Variants in ERBB4 observed in about 807,000 individuals in gnomAD.
ERBB4 encodes receptor tyrosine-protein kinase erbB-4.
A neutral mutation model predicts 158.0 loss-of-function variants in ERBB4; 42 were observed. That is an observed-to-expected ratio of 0.27 (90% CI 0.21 to 0.34). The LOEUF (loss-of-function observed/expected upper bound fraction) is 0.34. Ranked by LOEUF, ERBB4 falls within the 10% of genes least tolerant of loss-of-function variation. The pLI, the probability that ERBB4 is intolerant of heterozygous loss-of-function variation, is 1.00. For synonymous variants in ERBB4, 583 were observed against 558.7 expected (o/e 1.04, Z -0.61); for missense variants, 1,333 against 1,624.1 (o/e 0.82, Z 3.08).
At chr2:212,103,110 T>C (rs2079130181) in intron 2 of ERBB4, among the ~76,000 whole-genome samples, 1 of 152,130 alleles carries the variant, frequency 6.6e-6, no homozygotes, top group Non-Finnish European at 1.5e-5. Flanking sequence ...CTTCTTTCTC[T>C]TCCAGAAGCT....
chr2:212,332,537 T>G (rs1200966401), intron 1 of ERBB4, among the ~76,000 whole-genome samples: 3 of 152,102 alleles, frequency 2.0e-5, no homozygotes, highest in East Asian at 3.9e-4. Context: ...ATTCTAAATT[T>G]ATTTTATTTG....
chr2:211,409,917 C>A lies in ERBB4; in HGVS notation c.3135+10524G>T, dbSNP rs145396615. On this transcript the variant is annotated intron_variant, in intron 25 of 27. Coordinates refer to ENST00000342788, the MANE Select transcript of ERBB4 (RefSeq NM_005235.3). ...AAGGTCCCTTGCAACTCTGACACTCCGCGAGTACATAGTTACTTATGCATC... is the reference window on the plus strand; with the variant it reads ...AAGGTCCCTTGCAACTCTGACACTCAGCGAGTACATAGTTACTTATGCATC... 3.0e-4 allele frequency among the ~76,000 whole-genome samples: 46 copies of A among 152,216 alleles called. 1 individual carries two copies. The highest frequency in any genetic ancestry group is 1.1e-3 in the African/African-American group (45 of 41,542).
chr2:212,304,119 G>A lies in ERBB4; in HGVS notation c.83-179216C>T, dbSNP rs368673646. ...ATTTTGTTGTGGAGAATGTGACTTGGTCAAAATGCTTTCAGCAGAATCAAA... is the reference window on the plus strand; with the variant it reads ...ATTTTGTTGTGGAGAATGTGACTTGATCAAAATGCTTTCAGCAGAATCAAA... On this transcript the variant is annotated intron_variant, in intron 1 of 27. Coordinates refer to ENST00000342788, the MANE Select transcript of ERBB4 (RefSeq NM_005235.3). Among the ~76,000 whole-genome samples the A allele has an allele frequency of 9.2e-5, 14 of 151,544 alleles. 1 individual carries two copies. The East Asian group carries it at 2.0e-3, about 21-fold the overall frequency.
At chr2:211,506,839 C>T (rs1292780337) in intron 20 of ERBB4, among the ~76,000 whole-genome samples, 3 of 151,842 alleles carry the variant, frequency 2.0e-5, no homozygotes, top group African/African-American at 7.3e-5. Flanking sequence ...CTTCCAACCC[C>T]AAAGCTAGCA....
intron 2 of ERBB4, among the ~76,000 whole-genome samples, chr2:212,060,424 T>C (rs528001977): frequency 6.6e-6 from 1 of 151,302 alleles, no homozygotes; most frequent in African/African-American, 2.4e-5. Context: ...GATCTAGAAC[T>C]AGAAATACCA....
At chr2:212,494,443 T>C (rs1690448682) in intron 1 of ERBB4, among the ~76,000 whole-genome samples, 1 of 152,026 alleles carries the variant, frequency 6.6e-6, no homozygotes, top group Non-Finnish European at 1.5e-5. Flanking sequence ...ATACATTTTT[T>C]TTCTTACCAT....
chr2:211,790,640 A>C (rs1054952356), intron 3 of ERBB4, among the ~76,000 whole-genome samples: 1 of 152,058 alleles, frequency 6.6e-6, no homozygotes, highest in African/African-American at 2.4e-5. Flanking sequence ...ACACGTTAAC[A>C]TTTCAAATTA....
chr2:211,819,499 T>C (rs1559546248), intron 3 of ERBB4, among the ~76,000 whole-genome samples: 1 of 152,146 alleles, frequency 6.6e-6, no homozygotes, highest in East Asian at 1.9e-4. Context: ...CCCCAGAATT[T>C]GCAGAAAATA....
chr2:212,305,390 T>C (rs1270809094), intron 1 of ERBB4, among the ~76,000 whole-genome samples: 1 of 151,568 alleles, frequency 6.6e-6, no homozygotes, highest in East Asian at 2.0e-4. Flanking sequence ...AATAGTGATT[T>C]TATGAGTATT....
chr2:211,908,876 C>G (rs574804490), intron 3 of ERBB4, among the ~76,000 whole-genome samples: 1 of 151,520 alleles, frequency 6.6e-6, no homozygotes, highest in South Asian at 2.1e-4. Flanking sequence ...CTTGAAATAA[C>G]TGTATCACAA....
intron 25 of ERBB4, among the ~76,000 whole-genome samples, chr2:211,395,960 A>C (rs2062906940): frequency 6.6e-6 from 1 of 151,940 alleles, no homozygotes; most frequent in South Asian, 2.1e-4. Flanking sequence ...CTGTTTAGGG[A>C]TTAAAATAAT....
chr2:211,675,000 T>G lies in ERBB4; in HGVS notation c.1623-1743A>C, dbSNP rs115412098. 4.4e-3 allele frequency among the ~76,000 whole-genome samples: 663 copies of G among 152,270 alleles called. 2 individuals carry two copies. Among genetic ancestry groups the G allele is most frequent in the South Asian group, 0.015 (74 of 4,830 alleles). Reference sequence around the variant, plus strand: ...CCTATTGCCCTTTTCTTCCATAGATTTCCATTTGACAGGCTTCTGATTTTT... The same window carrying G: ...CCTATTGCCCTTTTCTTCCATAGATGTCCATTTGACAGGCTTCTGATTTTT... On this transcript the variant is annotated intron_variant, in intron 13 of 27. Coordinates refer to ENST00000342788, the MANE Select transcript of ERBB4 (RefSeq NM_005235.3).
At chr2:211,505,736 G>A (rs1376790198) in intron 20 of ERBB4, among the ~76,000 whole-genome samples, 6 of 152,082 alleles carry the variant, frequency 3.9e-5, no homozygotes, top group African/African-American at 1.4e-4. Flanking sequence ...AGAGGCGGGT[G>A]GATCACGAGG....
chr2:212,520,104 A>G (rs1377936428), intron 1 of ERBB4, among the ~76,000 whole-genome samples: 2 of 151,986 alleles, frequency 1.3e-5, no homozygotes. Flanking sequence ...GGAAAAATAT[A>G]ATTTAAACAT....
At chr2:211,431,616 C>CTTAT (rs2063750128) in intron 20 of ERBB4, among the ~76,000 whole-genome samples, 1 of 150,936 alleles carries the variant, frequency 6.6e-6, no homozygotes, top group Admixed American at 6.6e-5. Flanking sequence ...TTATACTATT[C>CTTAT]TTATTATACT....
At chr2:211,726,623 A>C (rs1279962485) in intron 5 of ERBB4, among the ~76,000 whole-genome samples, 2 of 152,124 alleles carry the variant, frequency 1.3e-5, no homozygotes, top group Non-Finnish European at 2.9e-5. Flanking sequence ...ATTCCTCAGT[A>C]CTTTCCCTCC....
chr2:211,473,386 A>G (rs2064877964), intron 20 of ERBB4, among the ~76,000 whole-genome samples: 1 of 152,068 alleles, frequency 6.6e-6, no homozygotes, highest in South Asian at 2.1e-4. Flanking sequence ...GAACCATAAG[A>G]GATTAAATGT....
intron 20 of ERBB4, among the ~76,000 whole-genome samples, chr2:211,493,670 G>T (rs2065400926): frequency 7.8e-6 from 1 of 128,258 alleles, no homozygotes; most frequent in South Asian, 2.4e-4. Context: ...TAGATGATTT[G>T]AAATATATAT....
At position 211,700,568 on chromosome 2, in the gene ERBB4, G is replaced by T. The variant is rs546900430; in HGVS notation, c.1489+1399C>A. On this transcript the variant is annotated intron_variant, in intron 12 of 27. Transcript: ENST00000342788. ...TTATAAGTTATATTTTATGAAGATTGGTAGACTGAGCTGCCTTAAATTATT... is the reference window on the plus strand; with the variant it reads ...TTATAAGTTATATTTTATGAAGATTTGTAGACTGAGCTGCCTTAAATTATT... 3.0e-4 allele frequency among the ~76,000 whole-genome samples: 45 copies of T among 152,224 alleles called. No individual in the cohort carries two copies. In the South Asian group the frequency reaches 8.9e-3, roughly 30 times the overall value.
Sources: gnomAD v4.1 joint callset for allele counts (sites outside exome capture counted in the v4.1 genomes callset) on GRCh38, gnomAD v4.1.1 for gene constraint, MANE v1.5 for transcripts, NCBI Gene and HGNC (gene_info 2026-07-23, HGNC 2026-07-21) for gene names.